Variants in SYNRG observed in about 807,000 individuals in gnomAD.
SYNRG encodes AP1 gamma subunit binding protein 1.
SYNRG carries 37 observed loss-of-function variants against 130.9 expected under a neutral mutation model. That is an observed-to-expected ratio of 0.28 (90% CI 0.22 to 0.37). SYNRG has a LOEUF of 0.37. SYNRG is among the 10% of genes least tolerant of loss of function. SYNRG has a pLI of 1.00. For synonymous variants in SYNRG, 539 were observed against 568.1 expected (o/e 0.95, Z 0.73); for missense variants, 1,338 against 1,588.9 (o/e 0.84, Z 2.68).
chr17:37,540,630 C>CTTTTTTTTTTTTTT (rs767724523), intron 15 of SYNRG, 87 bp from the exon 16 acceptor site: 2 of 625,410 alleles, frequency 3.2e-6, no homozygotes, highest in African/African-American at 5.1e-5. Flanking sequence ...CAACCCTCTT[C>CTTTTTTTTTTTTTT]TTTTTTTTTT....
chr17:37,523,976 C>A (rs1273777229), intron 19 of SYNRG, among the ~76,000 whole-genome samples: 4 of 152,158 alleles, frequency 2.6e-5, no homozygotes, highest in Non-Finnish European at 5.9e-5. Flanking sequence ...ACGGGAGGGT[C>A]GCCAATCTGG....
chr17:37,586,607 C>G, intron 3 of SYNRG, 58 bp from the exon 4 acceptor site: 2 of 1,580,068 alleles, frequency 1.3e-6, no homozygotes, highest in African/African-American at 1.3e-5. Flanking sequence ...TTATCACACA[C>G]AAAAATGTGA....
chr17:37,521,457 G>C (rs887260281), intron 19 of SYNRG, among the ~76,000 whole-genome samples: 2 of 152,090 alleles, frequency 1.3e-5, no homozygotes, highest in Admixed American at 1.3e-4. Context: ...ACAGGCAAAG[G>C]CTCTGAGCTA....
At chr17:37,570,082 A>G (rs1487341027) in intron 10 of SYNRG, among the ~76,000 whole-genome samples, 7 of 150,122 alleles carry the variant, frequency 4.7e-5, no homozygotes, top group Admixed American at 4.0e-4. Flanking sequence ...TCGAGTTACT[A>G]TTCTTGGGAT....
chr17:37,556,042 A>T (rs973643820), intron 13 of SYNRG, among the ~76,000 whole-genome samples: 2 of 152,210 alleles, frequency 1.3e-5, no homozygotes, highest in Non-Finnish European at 1.5e-5. Context: ...ACCCATTTTT[A>T]AAAATTACAT....
At chr17:37,558,843 T>C (rs2059311614) in intron 13 of SYNRG, among the ~76,000 whole-genome samples, 1 of 152,328 alleles carries the variant, frequency 6.6e-6, no homozygotes, top group Non-Finnish European at 1.5e-5. Flanking sequence ...GTCTTGGTTG[T>C]GGCCCGAGCT....
In SYNRG at chr17:37,585,397, T is replaced by C; in HGVS notation, c.405A>G (p.Glu135=). The change falls in exon 5 of 22, where the codon GAA becomes GAG. Residue 135 remains glutamate, a synonymous_variant. Transcript: ENST00000612223. ...CAAACTGGCGTCTTTTTCTTTCTTC[T>C]TCTAAGAGTTTTTGCTGCTGTTCAA... ...KRFEQQQKLL[E]EERKRRQFEE... 6.2e-7 allele frequency: 1 copy of C among 1,613,756 alleles called. No individual in the cohort carries two copies. Among genetic ancestry groups the C allele is most frequent in the Non-Finnish European group, 8.5e-7 (1 of 1,180,018 alleles).
chr17:37,600,441 G>A, intron 1 of SYNRG, 38 bp from the exon 2 acceptor site: 5 of 1,596,312 alleles, frequency 3.1e-6, no homozygotes, highest in Non-Finnish European at 4.3e-6. Context: ...ATCTTCGTAT[G>A]TACAAAGATT....
At chr17:37,550,911 A>T (rs1231244379) in intron 14 of SYNRG, among the ~76,000 whole-genome samples, 1 of 152,176 alleles carries the variant, frequency 6.6e-6, no homozygotes, top group African/African-American at 2.4e-5. Context: ...AGTCAGGGGG[A>T]AAAAACAGCC....
chr17:37,552,554 G>A (rs931171633), intron 14 of SYNRG, among the ~76,000 whole-genome samples: 9 of 152,108 alleles, frequency 5.9e-5, no homozygotes, highest in African/African-American at 1.9e-4. Flanking sequence ...CTCTTTGCCA[G>A]GCCCTGACAT....
intron 14 of SYNRG, among the ~76,000 whole-genome samples, chr17:37,546,415 C>T (rs1354253271): frequency 6.6e-6 from 1 of 152,170 alleles, no homozygotes; most frequent in Non-Finnish European, 1.5e-5. Context: ...TGTTTTAATG[C>T]ATACATCTGT....
chr17:37,565,946 C>T lies in SYNRG; in HGVS notation c.1481+2845G>A, dbSNP rs1250106619. 2.6e-5 allele frequency among the ~76,000 whole-genome samples: 4 copies of T among 150,956 alleles called. No individual in the cohort carries two copies. In the East Asian group the frequency reaches 7.8e-4, roughly 29 times the overall value. On this transcript the variant is annotated intron_variant, in intron 11 of 21. Transcript: ENST00000612223. ...CAGCCCCCTGCCCGGCCAGCCGCCC[C>T]GTCCGGGAGGGAGGTGGGGGGGTCA...
At chr17:37,527,568 T>C (rs1051107171) in intron 19 of SYNRG, among the ~76,000 whole-genome samples, 2 of 151,944 alleles carry the variant, frequency 1.3e-5, no homozygotes, top group African/African-American at 4.8e-5. Context: ...CAACCTCAGA[T>C]CAAAAATATT....
chr17:37,577,695 CTTTTTTTTTT>C, intron 6 of SYNRG, 82 bp from the exon 7 acceptor site: 2 of 584,064 alleles, frequency 3.4e-6, no homozygotes, highest in Non-Finnish European at 2.7e-6. Context: ...CCCCCATATT[CTTTTTTTTTT>C]TTTTTTTTTT....
Position 37,540,521 on chromosome 17 carries a change from G to C in SYNRG, c.3225C>G (p.Ser1075Arg), listed in dbSNP as rs771060090. The C allele has an allele frequency of 6.2e-7, 1 of 1,613,936 alleles. No individual in the cohort carries two copies. The highest frequency in any genetic ancestry group is 8.5e-7 in the Non-Finnish European group (1 of 1,180,012). Residue 1075 changes from serine to arginine, a missense_variant, in exon 16 of 22, where the codon AGC (serine) becomes AGG (arginine). Coordinates refer to ENST00000612223, the MANE Select transcript of SYNRG (RefSeq NM_007247.6). ...AACGGCTTATTTCTTTATCACCAAGGCTCAAACTCCTCTTGTGTGATCCTG... is the reference window on the plus strand; with the variant it reads ...AACGGCTTATTTCTTTATCACCAAGCCTCAAACTCCTCTTGTGTGATCCTG... ...SVQGSHKRSL[S>R]LGDKEISRSS... is the part of the protein sequence containing the mutation.
intron 8 of SYNRG, among the ~76,000 whole-genome samples, chr17:37,575,909 C>T (rs1272972551): frequency 1.4e-5 from 2 of 146,686 alleles, no homozygotes; most frequent in South Asian, 4.3e-4. Flanking sequence ...AAAGATCCCA[C>T]ATGGTCTTTT....
At chr17:37,520,684 A>C (rs753179685) in intron 19 of SYNRG, 36 bp from the exon 20 acceptor site, 6 of 1,552,274 alleles carry the variant, frequency 3.9e-6, no homozygotes, top group Admixed American at 1.7e-5. Flanking sequence ...TAAGAAGTCC[A>C]CAAGTCCACA....
At chr17:37,541,253 C>T in intron 15 of SYNRG, 17 of 985,370 alleles carry the variant, frequency 1.7e-5, no homozygotes, top group Non-Finnish European at 2.0e-5. Context: ...AATCAACGAC[C>T]CCTCCTGTCA....
chr17:37,538,677 CCCT>C (rs1405638023), intron 17 of SYNRG, among the ~76,000 whole-genome samples: 1 of 152,202 alleles, frequency 6.6e-6, no homozygotes, highest in Non-Finnish European at 1.5e-5. Context: ...CTCACTGAAC[CCCT>C]GACTCCCGGG....
Sources: gnomAD v4.1 joint callset for allele counts (sites outside exome capture counted in the v4.1 genomes callset) on GRCh38, gnomAD v4.1.1 for gene constraint, MANE v1.5 for transcripts, NCBI Gene and HGNC (gene_info 2026-07-23, HGNC 2026-07-21) for gene names.